SPTBN1: variants seen among roughly 807,000 people sequenced by gnomAD.
SPTBN1 encodes spectrin beta chain, non-erythrocytic 1.
Under a neutral mutation model 266.4 loss-of-function variants are expected in SPTBN1, and 32 were observed. The ratio of observed to expected loss-of-function variants is 0.12; its 90% CI spans 0.09 to 0.16. The LOEUF (loss-of-function observed/expected upper bound fraction) is 0.16. SPTBN1 is among the 10% of genes least tolerant of loss of function. The probability of loss-of-function intolerance (pLI) is 1.00; values close to 1 mark genes in which losing one functional copy is unlikely to be tolerated. For synonymous variants in SPTBN1, 1,336 were observed against 1,162.2 expected (o/e 1.15, Z -3.04); for missense variants, 2,296 against 3,067.1 (o/e 0.75, Z 5.94).
Position 54,562,534 on chromosome 2 carries a change from T to TTTTTTTCTTTTTTTC in SPTBN1, c.148+35974_148+35975insCTTTTTTTCTTTTTT, listed in dbSNP as rs1025962929. ...AATGCTTACTTTTCTTTTCTTTTTC[T>TTTTTTTCTTTTTTTC]TTTTTTTTTTTGAGGCAAGGTCTGC... On this transcript the variant is annotated intron_variant, in intron 2 of 35. Coordinates refer to ENST00000356805, the MANE Select transcript of SPTBN1 (RefSeq NM_003128.3). Among the ~76,000 whole-genome samples, 18 of 16,546 alleles carry TTTTTTTCTTTTTTTC rather than the reference T, an allele frequency of 1.1e-3. 1 individual carries two copies. The highest frequency in any genetic ancestry group is 7.9e-3 in the African/African-American group (15 of 1,894). The allele number at this position is 16,546 out of a possible 152,430, so 10.9% of individuals were successfully genotyped here. A position where few individuals can be genotyped will look rare whatever the true frequency, so the allele number is the denominator to read the frequency against.
chr2:54,659,037 G>C (rs1680862210), intron 30 of SPTBN1, 117 bp from the exon 31 acceptor site: 3 of 979,934 alleles, frequency 3.1e-6, no homozygotes, highest in Admixed American at 4.0e-5. Flanking sequence ...AGAGCTTCTT[G>C]TCCAGTGTGG....
At chr2:54,524,081 C>A (rs1006519301) in intron 1 of SPTBN1, among the ~76,000 whole-genome samples, 2 of 152,130 alleles carry the variant, frequency 1.3e-5, no homozygotes, top group Admixed American at 1.3e-4. Context: ...CGCCTGTAGT[C>A]CCAGCTACTC....
chr2:54,604,829 A>G (rs1676730830), intron 3 of SPTBN1, among the ~76,000 whole-genome samples: 1 of 152,178 alleles, frequency 6.6e-6, no homozygotes, highest in African/African-American at 2.4e-5. Flanking sequence ...GGGGAAGGGA[A>G]GCTTCTTAAA....
intron 1 of SPTBN1, among the ~76,000 whole-genome samples, chr2:54,515,418 G>GTGAGCCATGTT (rs1418679236): frequency 1.3e-5 from 2 of 152,050 alleles, no homozygotes; most frequent in Non-Finnish European, 2.9e-5. Context: ...TGAAACTGTT[G>GTGAGCCATGTT]GGTGGTTACA....
intron 3 of SPTBN1, among the ~76,000 whole-genome samples, chr2:54,604,313 C>G (rs1198173506): frequency 6.6e-6 from 1 of 152,128 alleles, no homozygotes; most frequent in Admixed American, 6.5e-5. Flanking sequence ...TCTTCCTCTC[C>G]TATAAAAAAA....
intron 1 of SPTBN1, among the ~76,000 whole-genome samples, chr2:54,466,981 G>A (rs1486101759): frequency 6.6e-6 from 1 of 152,052 alleles, no homozygotes; most frequent in African/African-American, 2.4e-5. Flanking sequence ...TATGCAGAGT[G>A]TGGGAAAAGC....
intron 1 of SPTBN1, among the ~76,000 whole-genome samples, chr2:54,477,704 G>A (rs1374194222): frequency 2.0e-5 from 3 of 152,162 alleles, no homozygotes; most frequent in African/African-American, 7.2e-5. Context: ...ACGAGGTCAG[G>A]AGTTCGAGAC....
rs1573214110 is a variant in SPTBN1, at chr2:54,470,463, G to A, written c.-48+13945G>A. 2.0e-5 allele frequency among the ~76,000 whole-genome samples: 3 copies of A among 152,082 alleles called. No homozygotes were observed. In the South Asian group the frequency reaches 6.2e-4, roughly 32 times the overall value. On this transcript the variant is annotated intron_variant, in intron 1 of 35. Transcript: ENST00000356805. ...TGGTATTTCATGTAAAGAGTGTATC[G>A]GTAGCTGGCCTATCTCTGGAATGTT...
chr2:54,645,964 ACGGAT>A lies in SPTBN1; in HGVS notation c.4533_4537del (p.Asp1512TrpfsTer29). 6.2e-7 allele frequency: 1 copy of A among 1,614,226 alleles called. No homozygotes were observed. The highest frequency in any genetic ancestry group is 8.5e-7 in the Non-Finnish European group (1 of 1,180,028). ...AGAGAGGATGCCTTTGGCAACTTCC[ACGGAT>A]CATGGCCACAACCTCCAGACTGTGC... is the stretch of plus-strand genomic sequence containing the variant. On this transcript the variant is annotated frameshift_variant, in exon 22 of 36. Coordinates refer to ENST00000356805, the MANE Select transcript of SPTBN1 (RefSeq NM_003128.3). LOFTEE classifies it high-confidence loss of function. The surrounding 1 kb of genome is among the most constrained non-coding windows in gnomAD (Gnocchi z 4.3).
intron 2 of SPTBN1, among the ~76,000 whole-genome samples, chr2:54,596,275 G>C (rs1316992876): frequency 6.6e-6 from 1 of 152,204 alleles, no homozygotes; most frequent in Non-Finnish European, 1.5e-5. Flanking sequence ...GCCTTCCCAG[G>C]ATAGGTGGAA....
chr2:54,468,809 T>G (rs888091047), intron 1 of SPTBN1, among the ~76,000 whole-genome samples: 5 of 152,246 alleles, frequency 3.3e-5, no homozygotes, highest in African/African-American at 1.2e-4. Context: ...TTAATTCCCC[T>G]GAGAGACATC....
At chr2:54,636,222 A>G (rs10194488) in intron 17 of SPTBN1, among the ~76,000 whole-genome samples, 4,175 of 152,300 alleles carry the variant, frequency 0.027, 181 homozygotes, top group African/African-American at 0.092. Context: ...TGGTATAAGC[A>G]TATTAAGATC....
rs1393022824 is a variant in SPTBN1 at position 54,629,601 on chromosome 2, A to G, written c.2467A>G (p.Arg823Gly). 5 of 1,613,900 alleles carry G rather than the reference A, an allele frequency of 3.1e-6. No homozygotes were observed. The highest frequency in any genetic ancestry group is 4.2e-6 in the Non-Finnish European group (5 of 1,180,034). ...TGCCGAGTCTCCAGACGTGAGGGGC[A>G]GGCTGTCGGGCATCGAGGAGCGGTA... ...EHAESPDVRG[R>G]LSGIEERYKE... The change falls in exon 14 of 36, where the codon AGG (arginine) becomes GGG (glycine). Residue 823 changes from arginine (R) to glycine (G), a missense_variant. This residue lies in a region of SPTBN1 where 434 missense variants were observed against 573.9 expected (regional missense o/e 0.76). Coordinates refer to ENST00000356805, the MANE Select transcript of SPTBN1 (RefSeq NM_003128.3).
chr2:54,654,157 C>T (rs1680495196), intron 27 of SPTBN1, among the ~76,000 whole-genome samples: 1 of 152,212 alleles, frequency 6.6e-6, no homozygotes, highest in Non-Finnish European at 1.5e-5. Context: ...GAAGTAGGAC[C>T]TTGGGCTTCA....
chr2:54,646,093 C>T lies in SPTBN1; in HGVS notation c.4584+76C>T. ...TTATGAGACTGGGAATGGCAGAGAG[C>T]TTTGAAGCCTTGCTATTTCTTTCTG... On this transcript the variant is annotated intron_variant, in intron 22 of 35. Coordinates refer to ENST00000356805, the MANE Select transcript of SPTBN1 (RefSeq NM_003128.3). The surrounding 1 kb of genome is among the most constrained non-coding windows in gnomAD (Gnocchi z 4.4). The T allele has an allele frequency of 6.2e-7, 1 of 1,606,516 alleles. No homozygotes were observed. The highest frequency in any genetic ancestry group is 1.1e-5 in the South Asian group (1 of 90,296).
intron 1 of SPTBN1, among the ~76,000 whole-genome samples, chr2:54,492,702 G>A (rs920055484): frequency 2.6e-5 from 4 of 152,150 alleles, no homozygotes; most frequent in Admixed American, 2.0e-4. Context: ...CGTCTCTTAT[G>A]TCTCAAGCAA....
At chr2:54,471,699 A>G (rs1359103444) in intron 1 of SPTBN1, among the ~76,000 whole-genome samples, 5 of 152,036 alleles carry the variant, frequency 3.3e-5, no homozygotes, top group Admixed American at 2.0e-4. Flanking sequence ...CCTGCCTTAA[A>G]ATAGCTGCAG....
chr2:54,665,154 C>T (rs1158493969), intron 33 of SPTBN1, among the ~76,000 whole-genome samples: 1 of 152,142 alleles, frequency 6.6e-6, no homozygotes, highest in Non-Finnish European at 1.5e-5. Flanking sequence ...ACAAAGCTTT[C>T]TTTCTGTGGA....
At chr2:54,498,307 T>C (rs79316174) in intron 1 of SPTBN1, among the ~76,000 whole-genome samples, 2 of 152,228 alleles carry the variant, frequency 1.3e-5, no homozygotes, top group African/African-American at 4.8e-5. Context: ...CACATGTGGC[T>C]GGTGTGAATT....
Sources: allele counts gnomAD v4.1 joint callset (sites outside exome capture counted in the v4.1 genomes callset), GRCh38; gene constraint gnomAD v4.1.1; regional missense constraint gnomAD v4.1.1; non-coding constraint Gnocchi (gnomAD v3.1); transcripts MANE v1.5; gene names NCBI Gene and HGNC (gene_info 2026-07-23, HGNC 2026-07-21).